LRRC4C: variants seen among roughly 807,000 people sequenced by gnomAD.
LRRC4C encodes leucine rich repeat containing 4C.
Under a neutral mutation model 33.6 loss-of-function variants are expected in LRRC4C, and 5 were observed. The ratio of observed to expected loss-of-function variants is 0.15; its 90% CI spans 0.08 to 0.31. The LOEUF (loss-of-function observed/expected upper bound fraction) is 0.31. Ranked by LOEUF, LRRC4C falls within the 10% of genes least tolerant of loss-of-function variation. The pLI is 1.00. For synonymous variants in LRRC4C, 329 were observed against 302.0 expected (o/e 1.09, Z -0.93); for missense variants, 560 against 796.7 (o/e 0.70, Z 3.58).
At chr11:40,779,047 A>G (rs1308809853) in intron 2 of LRRC4C, among the ~76,000 whole-genome samples, 1 of 152,236 alleles carries the variant, frequency 6.6e-6, no homozygotes, top group African/African-American at 2.4e-5. Context: ...CAGTAGTCAC[A>G]GGAAGACGAG....
chr11:40,493,265 G>A (rs1380179279), intron 3 of LRRC4C, among the ~76,000 whole-genome samples: 1 of 151,890 alleles, frequency 6.6e-6, no homozygotes, highest in Non-Finnish European at 1.5e-5. Flanking sequence ...ATGTGTATAG[G>A]CTTGTACTAT....
At chr11:40,778,034 T>C (rs191641082) in intron 2 of LRRC4C, among the ~76,000 whole-genome samples, 5 of 152,306 alleles carry the variant, frequency 3.3e-5, no homozygotes, top group Admixed American at 1.3e-4. Flanking sequence ...ACCTTTTAAG[T>C]AGGGACATTT....
intron 1 of LRRC4C, among the ~76,000 whole-genome samples, chr11:41,117,395 A>G (rs772330439): frequency 3.3e-5 from 5 of 152,200 alleles, no homozygotes; most frequent in Non-Finnish European, 7.3e-5. Flanking sequence ...GCTTTCAAAT[A>G]TCAGTGATAA....
intron 1 of LRRC4C, among the ~76,000 whole-genome samples, chr11:41,287,858 T>C (rs1249787542): frequency 6.6e-6 from 1 of 152,204 alleles, no homozygotes; most frequent in Non-Finnish European, 1.5e-5. Flanking sequence ...GTATTATTTA[T>C]TCATTTTTGA....
At chr11:40,508,890 T>G (rs556317411) in intron 3 of LRRC4C, among the ~76,000 whole-genome samples, 2 of 152,094 alleles carry the variant, frequency 1.3e-5, no homozygotes, top group Non-Finnish European at 2.9e-5. Flanking sequence ...TTGTAGCTAT[T>G]AAATTAAAAT....
At chr11:40,933,528 T>A (rs1957731137) in intron 2 of LRRC4C, 107 bp downstream of exon 2, 1 of 152,246 alleles carries the variant, frequency 6.6e-6, no homozygotes, top group Admixed American at 6.5e-5. Flanking sequence ...TTGGCCACTC[T>A]CTCATTGGGT....
At chr11:41,133,921 T>C (rs1943136769) in intron 1 of LRRC4C, among the ~76,000 whole-genome samples, 1 of 152,136 alleles carries the variant, frequency 6.6e-6, no homozygotes, top group South Asian at 2.1e-4. Context: ...TGAAACTATG[T>C]ATACCTTCCA....
chr11:40,421,320 C>T (rs193223297), intron 3 of LRRC4C, among the ~76,000 whole-genome samples: 36 of 152,282 alleles, frequency 2.4e-4, no homozygotes, highest in Non-Finnish European at 4.3e-4. Flanking sequence ...GAACGTTTTG[C>T]CTTTGGGTCA....
chr11:40,491,909 A>G (rs1167851822), intron 3 of LRRC4C, among the ~76,000 whole-genome samples: 1 of 152,196 alleles, frequency 6.6e-6, no homozygotes, highest in Non-Finnish European at 1.5e-5. Flanking sequence ...GCCATTCTAT[A>G]ATTCTGCCTA....
chr11:41,298,865 G>A (rs1950212591), intron 1 of LRRC4C, among the ~76,000 whole-genome samples: 1 of 151,924 alleles, frequency 6.6e-6, no homozygotes, highest in Admixed American at 6.6e-5. Flanking sequence ...ACGTTATTCA[G>A]CTATCATTTA....
intron 2 of LRRC4C, among the ~76,000 whole-genome samples, chr11:40,800,921 C>T (rs753125323): frequency 1.3e-5 from 2 of 152,114 alleles, no homozygotes; most frequent in African/African-American, 4.8e-5. Flanking sequence ...GCTCCAGGAC[C>T]ATCACATCAT....
intron 1 of LRRC4C, among the ~76,000 whole-genome samples, chr11:41,163,717 T>A (rs923969803): frequency 6.6e-6 from 1 of 152,012 alleles, no homozygotes; most frequent in African/African-American, 2.4e-5. Context: ...GTTCAAGCAA[T>A]TCTCCTGCCT....
chr11:40,322,193 T>A (rs958984536), intron 3 of LRRC4C, among the ~76,000 whole-genome samples: 1 of 152,162 alleles, frequency 6.6e-6, no homozygotes, highest in Non-Finnish European at 1.5e-5. Context: ...AGCTTCTCAA[T>A]GGTAGCACTG....
At chr11:40,287,201 CAT>C (rs996662913) in intron 4 of LRRC4C, among the ~76,000 whole-genome samples, 4 of 151,848 alleles carry the variant, frequency 2.6e-5, no homozygotes, top group African/African-American at 9.7e-5. Context: ...CACTGCATCA[CAT>C]GACTTTCAGA....
At chr11:40,820,725 A>G (rs547430776) in intron 2 of LRRC4C, among the ~76,000 whole-genome samples, 1 of 151,954 alleles carries the variant, frequency 6.6e-6, no homozygotes, top group Non-Finnish European at 1.5e-5. Flanking sequence ...CAAACCTACA[A>G]CCAAATCCTG....
intron 1 of LRRC4C, among the ~76,000 whole-genome samples, chr11:41,259,315 A>G (rs59372353): frequency 0.017 from 2,552 of 152,170 alleles, 71 homozygotes; most frequent in African/African-American, 0.059. Context: ...CATGTGAGTT[A>G]ACTTTTTAAT....
rs117625462 is a variant in LRRC4C, at chr11:40,867,327, C to A, written c.-407+66308G>T. Among the ~76,000 whole-genome samples, 610 of 152,292 alleles carry A rather than the reference C, an allele frequency of 4.0e-3. 3 individuals are homozygous for A. Among genetic ancestry groups the A allele is most frequent in the Middle Eastern group, 6.8e-3 (2 of 294 alleles). On this transcript the variant is annotated intron_variant, in intron 2 of 6. Coordinates refer to ENST00000528697, the MANE Select transcript of LRRC4C (RefSeq NM_001258419.2). Reference sequence around the variant, plus strand: ...ATGAGGGCTTGACTTCAATAGCTCACTAGTCCTGAAACATTGGCTAAGTTA... The same window carrying A: ...ATGAGGGCTTGACTTCAATAGCTCAATAGTCCTGAAACATTGGCTAAGTTA...
rs557436515 is a variant in LRRC4C at position 41,235,739 on chromosome 11, A to C, written c.-496+223692T>G. 1.5e-3 allele frequency among the ~76,000 whole-genome samples: 228 copies of C among 152,194 alleles called. 1 individual carries two copies. The highest frequency in any genetic ancestry group is 4.4e-3 in the South Asian group (21 of 4,826). On this transcript the variant is annotated intron_variant, in intron 1 of 6. Transcript: ENST00000528697. Reference sequence around the variant, plus strand: ...ATCACTGGAGTCTATAACTGATGTCATCTGTACTTGGATAATTTGCCTCAT... The same window carrying C: ...ATCACTGGAGTCTATAACTGATGTCCTCTGTACTTGGATAATTTGCCTCAT...
chr11:40,776,901 T>A (rs1950021823), intron 2 of LRRC4C, among the ~76,000 whole-genome samples: 1 of 152,164 alleles, frequency 6.6e-6, no homozygotes, highest in Non-Finnish European at 1.5e-5. Flanking sequence ...CTTTTTTGCA[T>A]CCCAAATATT....
Sources: gnomAD v4.1 joint callset for allele counts (sites outside exome capture counted in the v4.1 genomes callset) on GRCh38, gnomAD v4.1.1 for gene constraint, MANE v1.5 for transcripts, NCBI Gene and HGNC (gene_info 2026-07-23, HGNC 2026-07-21) for gene names.